The following SCD5 variants were observed in gnomAD, a reference collection of about 807,000 sequenced individuals.
The protein encoded by SCD5 is stearoyl-CoA desaturase 5, also known as acyl-CoA-desaturase 4.
SCD5 carries 20 observed loss-of-function variants against 30.4 expected under a neutral mutation model. The observed-to-expected ratio is 0.66, with a 90% CI of 0.46 to 0.96. SCD5 has a LOEUF of 0.96. SCD5 is among the 40% of genes least tolerant of loss of function. The probability of loss-of-function intolerance (pLI) is 0.00; values close to 1 mark genes in which losing one functional copy is unlikely to be tolerated. For missense variants in SCD5, 381 were observed against 443.3 expected, an observed-to-expected ratio of 0.86 and a Z score of 1.26; for synonymous variants, 173 against 176.4, an observed-to-expected ratio of 0.98 and a Z score of 0.16.
chr4:82,753,797 G>A (rs559895267), intron 1 of SCD5, among the ~76,000 whole-genome samples: 10 of 152,174 alleles, frequency 6.6e-5, no homozygotes, highest in Non-Finnish European at 1.3e-4. Flanking sequence ...CCCCCTGACA[G>A]AAGTCTATGA....
intron 1 of SCD5, among the ~76,000 whole-genome samples, chr4:82,759,400 TAAC>T (rs1160953039): frequency 2.0e-5 from 3 of 152,162 alleles, no homozygotes; most frequent in Non-Finnish European, 4.4e-5. Context: ...CGGCCCTCCG[TAAC>T]AACAAATGGA....
At chr4:82,645,393 AGT>A (rs1727618243) in intron 3 of SCD5, among the ~76,000 whole-genome samples, 2 of 152,082 alleles carry the variant, frequency 1.3e-5, no homozygotes, top group African/African-American at 4.8e-5. Flanking sequence ...CAAGAAATAG[AGT>A]GGCTCTCCTC....
At chr4:82,718,651 C>G (rs1720286634) in intron 1 of SCD5, among the ~76,000 whole-genome samples, 1 of 151,754 alleles carries the variant, frequency 6.6e-6, no homozygotes. Flanking sequence ...TTTAATAATG[C>G]AATATTCTTT....
At position 82,637,694 on chromosome 4, in the gene SCD5, C is replaced by T. The variant is rs1047966015; in HGVS notation, c.570-871G>A. On this transcript the variant is annotated intron_variant, in intron 3 of 4. Coordinates refer to ENST00000319540, the MANE Select transcript of SCD5 (RefSeq NM_001037582.3). ...CATAGTGTGTTCCTCCTTGGCCTCC[C>T]GCAGCCTAATCAAGCTTCTGGAAGG... Among the ~76,000 whole-genome samples the T allele has an allele frequency of 6.6e-5, 10 of 152,296 alleles. No individual in the cohort carries two copies. In the East Asian group the frequency reaches 7.7e-4, roughly 12 times the overall value.
intron 1 of SCD5, among the ~76,000 whole-genome samples, chr4:82,715,868 A>G (rs1298527511): frequency 6.6e-6 from 1 of 151,792 alleles, no homozygotes; most frequent in African/African-American, 2.4e-5. Context: ...AGAAAATGAC[A>G]AAGACTAAGG....
intron 2 of SCD5, among the ~76,000 whole-genome samples, chr4:82,692,621 C>T (rs150486216): frequency 2.6e-5 from 4 of 152,304 alleles, no homozygotes; most frequent in Admixed American, 6.5e-5. Flanking sequence ...GCAGCCAGGC[C>T]GACACTTGGC....
chr4:82,684,455 T>A (rs1287793162), intron 2 of SCD5, among the ~76,000 whole-genome samples: 1 of 152,208 alleles, frequency 6.6e-6, no homozygotes, highest in East Asian at 1.9e-4. Flanking sequence ...GATTTATATG[T>A]TCACCCAATC....
intron 1 of SCD5, among the ~76,000 whole-genome samples, chr4:82,730,308 TA>T (rs1720605783): frequency 6.7e-6 from 1 of 148,464 alleles, no homozygotes. Flanking sequence ...ATAATATATA[TA>T]TTTTTTGAGG....
chr4:82,655,428 G>A (rs1174672014), intron 3 of SCD5, among the ~76,000 whole-genome samples: 1 of 152,228 alleles, frequency 6.6e-6, no homozygotes, highest in Non-Finnish European at 1.5e-5. Context: ...TGTTAGCTAG[G>A]TTTGTGCTAA....
At chr4:82,731,491 C>T (rs1009555005) in intron 1 of SCD5, among the ~76,000 whole-genome samples, 3 of 152,168 alleles carry the variant, frequency 2.0e-5, no homozygotes, top group Non-Finnish European at 1.5e-5. Context: ...TGGGAGACCC[C>T]GGGGAAACAG....
intron 1 of SCD5, among the ~76,000 whole-genome samples, chr4:82,761,971 G>A (rs1004894688): frequency 4.6e-5 from 7 of 152,002 alleles, no homozygotes; most frequent in Admixed American, 1.3e-4. Context: ...TCAGGAGTTT[G>A]AGACTAGCCT....
chr4:82,643,599 T>A (rs1727585543), intron 3 of SCD5, among the ~76,000 whole-genome samples: 1 of 151,908 alleles, frequency 6.6e-6, no homozygotes, highest in East Asian at 1.9e-4. Flanking sequence ...GAGAACAGAG[T>A]TTTTATTGGG....
chr4:82,785,036 T>C (rs1486986670), intron 1 of SCD5, among the ~76,000 whole-genome samples: 1 of 152,224 alleles, frequency 6.6e-6, no homozygotes, highest in Non-Finnish European at 1.5e-5. Context: ...CTAATAGCTG[T>C]GACTTCTTCC....
chr4:82,723,911 AGATAGTCT>A (rs1054551163), intron 1 of SCD5, among the ~76,000 whole-genome samples: 1 of 152,254 alleles, frequency 6.6e-6, no homozygotes, highest in African/African-American at 2.4e-5. Flanking sequence ...CAATTATAAA[AGATAGTCT>A]GAGGACACAT....
chr4:82,790,283 A>C (rs1347783262), intron 1 of SCD5, among the ~76,000 whole-genome samples: 3 of 152,196 alleles, frequency 2.0e-5, no homozygotes, highest in Admixed American at 2.0e-4. Flanking sequence ...GGAAGGCTGC[A>C]GGGAGCCCTG....
chr4:82,669,966 A>G (rs1578013933), intron 3 of SCD5, among the ~76,000 whole-genome samples: 2 of 152,186 alleles, frequency 1.3e-5, no homozygotes, highest in South Asian at 2.1e-4. Context: ...GTCCAGAGGC[A>G]TAAGTTCACT....
chr4:82,796,043 G>T (rs1722208178), intron 1 of SCD5, among the ~76,000 whole-genome samples: 1 of 151,804 alleles, frequency 6.6e-6, no homozygotes, highest in African/African-American at 2.4e-5. Flanking sequence ...GGCTGAGGTG[G>T]GTGGATCACG....
intron 1 of SCD5, among the ~76,000 whole-genome samples, chr4:82,751,405 A>T (rs980888412): frequency 2.0e-5 from 3 of 152,200 alleles, no homozygotes; most frequent in East Asian, 1.9e-4. Flanking sequence ...TTCGACATTC[A>T]TGGGGACATT....
At chr4:82,793,198 G>C (rs1722136481) in intron 1 of SCD5, among the ~76,000 whole-genome samples, 1 of 152,214 alleles carries the variant, frequency 6.6e-6, no homozygotes, top group Non-Finnish European at 1.5e-5. Context: ...TTTTTTAAAT[G>C]ATGAGTCAAA....
Sources: gnomAD v4.1 joint callset for allele counts (sites outside exome capture counted in the v4.1 genomes callset) on GRCh38, gnomAD v4.1.1 for gene constraint, MANE v1.5 for transcripts, NCBI Gene and HGNC (gene_info 2026-07-23, HGNC 2026-07-21) for gene names.